Variants in NTRK3 observed in about 807,000 individuals in gnomAD.
NTRK3 encodes the protein neurotrophic receptor tyrosine kinase 3, also known as NT-3 growth factor receptor.
In NTRK3, 24 loss-of-function variants were observed where a neutral mutation model predicts 91.7. The observed-to-expected ratio is 0.26, with a 90% CI of 0.19 to 0.37. The LOEUF is 0.37. NTRK3 is among the 10% of genes least tolerant of loss of function. The probability of loss-of-function intolerance (pLI) is 1.00; values close to 1 mark genes in which losing one functional copy is unlikely to be tolerated. For synonymous variants in NTRK3, 483 were observed against 404.0 expected (o/e 1.20, Z -2.34); for missense variants, 880 against 1,068.9 (o/e 0.82, Z 2.46).
chr15:88,226,697 G>T (rs546487852), intron 3 of NTRK3, among the ~76,000 whole-genome samples: 2 of 152,270 alleles, frequency 1.3e-5, no homozygotes, highest in South Asian at 4.1e-4. Context: ...CCCCACCCCT[G>T]CCCCTGGGCC....
intron 17 of NTRK3, chr15:87,928,709 C>T (rs2068537203): frequency 4.8e-6 from 1 of 208,258 alleles, no homozygotes; most frequent in Admixed American, 5.2e-5. Flanking sequence ...CTTAGGTTTC[C>T]TCTTCTCATC....
In NTRK3 at chr15:88,240,198, C is replaced by A. The variant is rs1283292644; in HGVS notation, c.248+15708G>T. ...GGCTCCCCTACTTTCCCATCCCGTCCCCAGCCACCGCCATAGAAACATCAC... is the reference window on the plus strand; with the variant it reads ...GGCTCCCCTACTTTCCCATCCCGTCACCAGCCACCGCCATAGAAACATCAC... On this transcript the variant is annotated intron_variant, in intron 3 of 18. Transcript: ENST00000394480. The surrounding 1 kb of genome is among the most constrained non-coding windows in gnomAD (Gnocchi z 4.9). Among the ~76,000 whole-genome samples the A allele has an allele frequency of 6.6e-6, 1 of 151,810 alleles. No homozygotes were observed. Among genetic ancestry groups the A allele is most frequent in the Non-Finnish European group, 1.5e-5 (1 of 67,958 alleles).
chr15:88,198,794 A>C (rs1442624986), intron 3 of NTRK3, among the ~76,000 whole-genome samples: 1 of 152,142 alleles, frequency 6.6e-6, no homozygotes, highest in Non-Finnish European at 1.5e-5. Flanking sequence ...GAGCTGTCTA[A>C]GTAGCCTGGG....
At chr15:88,027,667 C>T (rs980727052) in intron 14 of NTRK3, among the ~76,000 whole-genome samples, 5 of 152,228 alleles carry the variant, frequency 3.3e-5, no homozygotes, top group Non-Finnish European at 5.9e-5. Flanking sequence ...CAGGCGTGAG[C>T]CACCGTGCCT....
At chr15:88,096,990 A>T (rs925456565) in intron 13 of NTRK3, among the ~76,000 whole-genome samples, 2 of 152,180 alleles carry the variant, frequency 1.3e-5, no homozygotes, top group Non-Finnish European at 2.9e-5. Flanking sequence ...GCCTTTCTAA[A>T]CAAAAGAAGA....
chr15:88,135,786 G>A (rs2151200121), intron 9 of NTRK3, 113 bp downstream of exon 9: 2 of 1,402,254 alleles, frequency 1.4e-6, no homozygotes, highest in South Asian at 1.2e-5. Flanking sequence ...TGTCCCTACT[G>A]GTAGATCAGC....
chr15:87,986,170 G>A (rs538553101), intron 14 of NTRK3, among the ~76,000 whole-genome samples: 1 of 152,260 alleles, frequency 6.6e-6, no homozygotes, highest in East Asian at 1.9e-4. Flanking sequence ...GAGAATCTCG[G>A]GTATTAATAA....
intron 17 of NTRK3, among the ~76,000 whole-genome samples, chr15:87,901,372 T>C (rs2066443884): frequency 6.6e-6 from 1 of 152,230 alleles, no homozygotes; most frequent in Non-Finnish European, 1.5e-5. Context: ...GGACTTCTTG[T>C]TTGTAGGCTA....
At position 88,241,309 on chromosome 15, in the gene NTRK3, C is replaced by T. The variant is rs1052068938; in HGVS notation, c.248+14597G>A. 2.0e-5 allele frequency among the ~76,000 whole-genome samples: 3 copies of T among 152,152 alleles called. No homozygotes were observed. The highest frequency in any genetic ancestry group is 7.2e-5 in the African/African-American group (3 of 41,436). The stretch of plus-strand genomic sequence containing the variant: ...TGCCTGCCCAGACAGCAGGCAACAG[C>T]AGTCCTGAGTGAGTGACAGAAGGAG... On this transcript the variant is annotated intron_variant, in intron 3 of 18. Coordinates refer to ENST00000394480, the Ensembl canonical transcript of NTRK3. This position sits in a 1 kb window ranked among gnomAD's most constrained non-coding sequence, Gnocchi z 4.3.
At chr15:87,993,485 C>G (rs2075439445) in intron 14 of NTRK3, among the ~76,000 whole-genome samples, 2 of 151,976 alleles carry the variant, frequency 1.3e-5, no homozygotes, top group Admixed American at 6.6e-5. Context: ...GAAAGGTGTC[C>G]CATTGTACAT....
At chr15:87,967,462 G>A (rs2072889279) in intron 14 of NTRK3, among the ~76,000 whole-genome samples, 1 of 152,160 alleles carries the variant, frequency 6.6e-6, no homozygotes, top group South Asian at 2.1e-4. Flanking sequence ...ACTTAAATAG[G>A]CACTCCCATA....
At chr15:87,989,753 C>T (rs1046200863) in intron 14 of NTRK3, among the ~76,000 whole-genome samples, 19 of 150,204 alleles carry the variant, frequency 1.3e-4, no homozygotes, top group African/African-American at 4.6e-4. Context: ...ATTACAGGTG[C>T]ACACTACCAC....
intron 13 of NTRK3, among the ~76,000 whole-genome samples, chr15:88,058,879 C>T (rs550493085): frequency 2.6e-4 from 39 of 152,298 alleles, no homozygotes; most frequent in African/African-American, 8.4e-4. Flanking sequence ...ACCTAGTTGT[C>T]AGCCAAGTGT....
chr15:87,943,938 T>A lies in NTRK3; in HGVS notation c.1586-3185A>T, dbSNP rs2070163765. Among the ~76,000 whole-genome samples the A allele has an allele frequency of 1.3e-5, 2 of 152,034 alleles. 1 individual carries two copies. Among genetic ancestry groups the A allele is most frequent in the South Asian group, 4.2e-4 (2 of 4,818 alleles). ...GAAAAAGCCCAAGCAGAAGCCTCCGTGGGCCAAAGTGTCTTCCCCAAATGT... is the reference window on the plus strand; with the variant it reads ...GAAAAAGCCCAAGCAGAAGCCTCCGAGGGCCAAAGTGTCTTCCCCAAATGT... On this transcript the variant is annotated intron_variant, in intron 14 of 18. Coordinates refer to ENST00000394480, the Ensembl canonical transcript of NTRK3.
rs78718550 is a variant in NTRK3 at position 88,191,408 on chromosome 15, G to A, written c.249-7109C>T. Among the ~76,000 whole-genome samples the A allele has an allele frequency of 1.9e-3, 296 of 152,276 alleles. 1 individual carries two copies. The highest frequency in any genetic ancestry group is 6.5e-3 in the African/African-American group (269 of 41,542). On this transcript the variant is annotated intron_variant, in intron 3 of 18. Coordinates refer to ENST00000394480, the Ensembl canonical transcript of NTRK3. The stretch of plus-strand genomic sequence containing the variant: ...ATACCATGTTGGCCAGGCTGGTTGC[G>A]AAATCCTGGCCTCAAGCAATCAGCC...
At chr15:87,927,198 CACTGTATG>C (rs2068390188) in intron 17 of NTRK3, 5 of 152,198 alleles carry the variant, frequency 3.3e-5, no homozygotes, top group African/African-American at 1.2e-4. Flanking sequence ...TTGCTGTGGA[CACTGTATG>C]CTTTGTCTTA....
At chr15:88,197,468 T>C (rs2047936469) in intron 3 of NTRK3, among the ~76,000 whole-genome samples, 4 of 152,184 alleles carry the variant, frequency 2.6e-5, no homozygotes. Context: ...CCAATGGCTA[T>C]CAAACGCCTC....
At chr15:88,188,439 A>G (rs2047123711) in intron 3 of NTRK3, among the ~76,000 whole-genome samples, 1 of 152,210 alleles carries the variant, frequency 6.6e-6, no homozygotes, top group South Asian at 2.1e-4. Context: ...GATGTTGCTA[A>G]ACATCCTGCA....
chr15:88,099,764 C>G (rs1366501975), intron 13 of NTRK3, among the ~76,000 whole-genome samples: 3 of 152,138 alleles, frequency 2.0e-5, no homozygotes, highest in Non-Finnish European at 4.4e-5. Flanking sequence ...ACCACATTGA[C>G]TTAATAGTTA....
Sources: gnomAD v4.1 joint callset for allele counts (sites outside exome capture counted in the v4.1 genomes callset) on GRCh38, gnomAD v4.1.1 for gene constraint, Gnocchi (gnomAD v3.1) non-coding constraint, MANE v1.5 for transcripts, NCBI Gene and HGNC (gene_info 2026-07-23, HGNC 2026-07-21) for gene names.